KLHL32: variants seen among roughly 807,000 people sequenced by gnomAD.
KLHL32 encodes the protein kelch-like protein 32.
KLHL32 carries 35 observed loss-of-function variants against 64.8 expected under a neutral mutation model. The observed-to-expected ratio is 0.54, with a 90% CI of 0.41 to 0.72. KLHL32 has a LOEUF of 0.72. Ranked by LOEUF, KLHL32 falls within the 30% of genes least tolerant of loss-of-function variation. The pLI is 0.00. For synonymous variants in KLHL32, 259 were observed against 281.0 expected, an observed-to-expected ratio of 0.92 and a Z score of 0.78; for missense variants, 589 against 768.5, an observed-to-expected ratio of 0.77 and a Z score of 2.76.
At chr6:97,079,685 T>C (rs1792181153) in intron 5 of KLHL32, among the ~76,000 whole-genome samples, 1 of 152,148 alleles carries the variant, frequency 6.6e-6, no homozygotes, top group Non-Finnish European at 1.5e-5. Flanking sequence ...TTATTTAACT[T>C]GTCATTCACA....
At chr6:96,982,568 T>A (rs921480699) in intron 3 of KLHL32, among the ~76,000 whole-genome samples, 1 of 152,198 alleles carries the variant, frequency 6.6e-6, no homozygotes, top group Admixed American at 6.5e-5. Context: ...TATTGACATG[T>A]GTGGTTCTCC....
intron 3 of KLHL32, among the ~76,000 whole-genome samples, chr6:97,027,006 A>G (rs1782806055): frequency 6.6e-6 from 1 of 152,000 alleles, no homozygotes; most frequent in Admixed American, 6.6e-5. Context: ...TACTAAAAAT[A>G]CAAAAACCAG....
At chr6:96,969,653 C>A (rs1358622491) in intron 2 of KLHL32, among the ~76,000 whole-genome samples, 2 of 152,176 alleles carry the variant, frequency 1.3e-5, no homozygotes, top group Non-Finnish European at 2.9e-5. Context: ...ACTCAAGAGG[C>A]AATCCTTTCC....
chr6:96,952,226 T>A (rs538950001), intron 1 of KLHL32, among the ~76,000 whole-genome samples: 1 of 152,330 alleles, frequency 6.6e-6, no homozygotes, highest in South Asian at 2.1e-4. Flanking sequence ...AATAATTATC[T>A]TACTTGTTTT....
At chr6:97,102,088 T>C (rs1187817173) in intron 6 of KLHL32, among the ~76,000 whole-genome samples, 1 of 152,220 alleles carries the variant, frequency 6.6e-6, no homozygotes, top group Non-Finnish European at 1.5e-5. Context: ...TTGCTGAGTA[T>C]CAGTATGTTG....
chr6:96,952,042 T>C (rs568123352), intron 1 of KLHL32, among the ~76,000 whole-genome samples: 1 of 152,260 alleles, frequency 6.6e-6, no homozygotes, highest in South Asian at 2.1e-4. Flanking sequence ...CCTAAAAATG[T>C]GCACATTCGG....
intron 10 of KLHL32, among the ~76,000 whole-genome samples, chr6:97,133,013 C>T (rs1293058607): frequency 2.0e-5 from 3 of 152,072 alleles, no homozygotes; most frequent in African/African-American, 7.2e-5. Context: ...ACTGGGATAG[C>T]GTTCCCTTTC....
chr6:97,110,644 A>G (rs1327081112), intron 6 of KLHL32, among the ~76,000 whole-genome samples: 1 of 152,184 alleles, frequency 6.6e-6, no homozygotes, highest in East Asian at 1.9e-4. Flanking sequence ...ATTTCCCCTG[A>G]TCCCCCAGTA....
At chr6:96,906,949 C>T in the KLHL32 span, among the ~76,000 whole-genome samples, 3 of 152,052 alleles carry the variant, frequency 2.0e-5, no homozygotes, top group Non-Finnish European at 2.9e-5. Context: ...AAAAATATGA[C>T]GTCTGTCTAC....
At chr6:97,080,206 A>T (rs1280915226) in intron 5 of KLHL32, among the ~76,000 whole-genome samples, 1 of 152,202 alleles carries the variant, frequency 6.6e-6, no homozygotes, top group Non-Finnish European at 1.5e-5. Context: ...CGCAGAAAAC[A>T]GGATGACCAC....
chr6:97,129,384 T>C (rs74602245), intron 8 of KLHL32, among the ~76,000 whole-genome samples: 76 of 152,300 alleles, frequency 5.0e-4, no homozygotes, highest in African/African-American at 1.7e-3. Flanking sequence ...AAGAAAACTG[T>C]TAGGGTTATT....
At chr6:96,923,008 T>C (rs574319093), upstream of KLHL32, among the ~76,000 whole-genome samples, 7 of 152,216 alleles carry the variant, frequency 4.6e-5, no homozygotes, top group Non-Finnish European at 1.0e-4. Context: ...GCCGATACTA[T>C]GTGGCAGACA....
chr6:97,102,684 T>C (rs1795878263), intron 6 of KLHL32, among the ~76,000 whole-genome samples: 1 of 152,168 alleles, frequency 6.6e-6, no homozygotes. Flanking sequence ...TAACTGTACA[T>C]GTGTTTTGCT....
intron 10 of KLHL32, 73 bp from the exon 11 acceptor site, chr6:97,139,046 TTC>T: frequency 7.3e-7 from 1 of 1,374,992 alleles, no homozygotes; most frequent in Non-Finnish European, 9.9e-7. Context: ...AGTTCAGAAT[TTC>T]TTTTATGTAT....
At chr6:97,064,203 C>G (rs1180361719) in intron 4 of KLHL32, among the ~76,000 whole-genome samples, 1 of 152,134 alleles carries the variant, frequency 6.6e-6, no homozygotes, top group African/African-American at 2.4e-5. Context: ...TGCCCCTTTC[C>G]CTAAAATACC....
chr6:97,114,534 T>C (rs1277742435), intron 7 of KLHL32, 25 bp downstream of exon 7: 2 of 1,610,652 alleles, frequency 1.2e-6, no homozygotes, highest in Non-Finnish European at 1.7e-6. Flanking sequence ...ATGTTGGATT[T>C]ATCAAAACAC....
At chr6:96,917,619 T>A in the KLHL32 span, among the ~76,000 whole-genome samples, 34 of 152,150 alleles carry the variant, frequency 2.2e-4, no homozygotes, top group South Asian at 6.2e-3. Context: ...TGCAAGGGTC[T>A]CAGCAGGAAC....
At chr6:96,950,721 T>C (rs777336630) in intron 1 of KLHL32, among the ~76,000 whole-genome samples, 1 of 152,224 alleles carries the variant, frequency 6.6e-6, no homozygotes, top group African/African-American at 2.4e-5. Context: ...ATATTTTATC[T>C]GAGAGAATTA....
At position 96,967,032 on chromosome 6, in the gene KLHL32, G is replaced by A; in HGVS notation, c.-29G>A. The stretch of plus-strand genomic sequence containing the variant: ...GCTGATTCCTCTGCACACTTCTAAG[G>A]CTGAGAACCTGAGGAACCCAGCTGG... On this transcript the variant is annotated 5_prime_UTR_variant, in exon 2 of 11. Transcript: ENST00000369261. 6.2e-7 allele frequency: 1 copy of A among 1,611,224 alleles called. No individual in the cohort carries two copies. Among genetic ancestry groups the A allele is most frequent in the Non-Finnish European group, 8.5e-7 (1 of 1,177,686 alleles).
Sources: gnomAD v4.1 joint callset for allele counts (sites outside exome capture counted in the v4.1 genomes callset) on GRCh38, gnomAD v4.1.1 for gene constraint, MANE v1.5 for transcripts, NCBI Gene and HGNC (gene_info 2026-07-23, HGNC 2026-07-21) for gene names.